The following SLC30A7 variants were observed in gnomAD, a reference collection of about 807,000 sequenced individuals.
SLC30A7 encodes the protein zinc transporter 7.
SLC30A7 carries 35 observed loss-of-function variants against 46.0 expected under a neutral mutation model. The ratio of observed to expected loss-of-function variants is 0.76; its 90% CI spans 0.58 to 1.01. The LOEUF is 1.01. Among genes scored for constraint, SLC30A7 ranks in the 50% least tolerant of loss-of-function variants. The probability of loss-of-function intolerance (pLI) is 0.00; values close to 1 mark genes in which losing one functional copy is unlikely to be tolerated. For missense variants in SLC30A7, 464 were observed against 451.1 expected (o/e 1.03, Z -0.26); for synonymous variants, 147 against 157.8 (o/e 0.93, Z 0.51).
At chr1:100,961,670 C>T (rs1239640661) in intron 8 of SLC30A7, among the ~76,000 whole-genome samples, 158 bp from the exon 9 acceptor site, 4 of 152,150 alleles carry the variant, frequency 2.6e-5, no homozygotes, top group East Asian at 1.9e-4. Context: ...TTACTGATCA[C>T]GTGGAAAATC....
At chr1:100,904,584 G>T (rs1483455380) in intron 2 of SLC30A7, among the ~76,000 whole-genome samples, 1 of 150,012 alleles carries the variant, frequency 6.7e-6, no homozygotes, top group Admixed American at 6.6e-5. Flanking sequence ...ATCAAATATT[G>T]GACATTATGA....
chr1:100,984,781 A>T (rs1657172456), downstream of SLC30A7, among the ~76,000 whole-genome samples: 1 of 152,216 alleles, frequency 6.6e-6, no homozygotes, highest in Non-Finnish European at 1.5e-5. Flanking sequence ...TGCTGCAAAA[A>T]ATTTCAACTT....
At chr1:100,994,871 A>T in the SLC30A7 span, among the ~76,000 whole-genome samples, 6 of 152,152 alleles carry the variant, frequency 3.9e-5, no homozygotes, top group Non-Finnish European at 8.8e-5. Flanking sequence ...TTCATTCCAC[A>T]AACACTGAGT....
At chr1:100,903,292 C>CA (rs895145278) in intron 2 of SLC30A7, among the ~76,000 whole-genome samples, 1 of 151,852 alleles carries the variant, frequency 6.6e-6, no homozygotes, top group African/African-American at 2.4e-5. Flanking sequence ...GGATCGAAAA[C>CA]AAAATCATAG....
At chr1:100,965,964 A>C (rs960174608) in intron 10 of SLC30A7, 46 bp downstream of exon 10, 1 of 1,518,536 alleles carries the variant, frequency 6.6e-7, no homozygotes, top group African/African-American at 1.4e-5. Context: ...AACATTTTTT[A>C]TAACTAGTAG....
At chr1:100,954,735 T>C (rs1655135942) in intron 8 of SLC30A7, among the ~76,000 whole-genome samples, 1 of 152,096 alleles carries the variant, frequency 6.6e-6, no homozygotes. Flanking sequence ...AGATTTTTGG[T>C]TATCTATTCT....
chr1:100,971,967 G>A (rs1359301225), intron 10 of SLC30A7, among the ~76,000 whole-genome samples: 1 of 151,994 alleles, frequency 6.6e-6, no homozygotes, highest in African/African-American at 2.4e-5. Context: ...ATTTTCTTAG[G>A]AGCATGAAAG....
In SLC30A7 at chr1:100,976,745, A is replaced by G. The variant is rs959923790; in HGVS notation, c.*1888A>G. On this transcript the variant is annotated 3_prime_UTR_variant, in exon 11 of 11. Transcript: ENST00000357650. ...TCTTTTCCCCTATTTCTGACCTACA[A>G]CTATAAACTACTCTCTATTAGGAGA... The G allele has an allele frequency of 6.6e-6, 1 of 152,626 alleles. No individual in the cohort carries two copies. The highest frequency in any genetic ancestry group is 1.5e-5 in the Non-Finnish European group (1 of 68,032). The allele number at this position is 152,626 out of a possible 1,614,324, so 9.5% of individuals were successfully genotyped here.
chr1:100,944,390 C>T (rs1005956371), intron 8 of SLC30A7, among the ~76,000 whole-genome samples: 1 of 152,056 alleles, frequency 6.6e-6, no homozygotes, highest in East Asian at 1.9e-4. Context: ...ACATATTTAG[C>T]CCTTCAAAGA....
At chr1:100,956,700 T>TAA (rs1414015373) in intron 8 of SLC30A7, among the ~76,000 whole-genome samples, 6 of 152,358 alleles carry the variant, frequency 3.9e-5, no homozygotes, top group African/African-American at 1.4e-4. Flanking sequence ...ATTGCTTAAG[T>TAA]AATGTTATTT....
At chr1:100,966,448 G>A (rs1193982989) in intron 10 of SLC30A7, among the ~76,000 whole-genome samples, 1 of 151,910 alleles carries the variant, frequency 6.6e-6, no homozygotes, top group Non-Finnish European at 1.5e-5. Flanking sequence ...AGCCGGGTGT[G>A]GTGACAGGCG....
At chr1:100,927,925 C>T (rs1490182201) in intron 8 of SLC30A7, among the ~76,000 whole-genome samples, 2 of 151,970 alleles carry the variant, frequency 1.3e-5, no homozygotes, top group African/African-American at 4.8e-5. Context: ...GGAATTGATC[C>T]AGAAATAGAA....
intron 8 of SLC30A7, among the ~76,000 whole-genome samples, chr1:100,944,318 GT>G (rs1259096288): frequency 1.3e-5 from 2 of 152,166 alleles, no homozygotes; most frequent in Non-Finnish European, 2.9e-5. Flanking sequence ...GGGATTATAG[GT>G]GTGAGACACC....
intron 8 of SLC30A7, among the ~76,000 whole-genome samples, chr1:100,925,264 GGGA>G (rs2101037605): frequency 6.6e-6 from 1 of 152,378 alleles, no homozygotes; most frequent in South Asian, 2.1e-4. Context: ...CTGAAGCATA[GGGA>G]GTAAGAGGAG....
rs1213214520 is a variant in SLC30A7 at position 100,977,747 on chromosome 1, TTTG to T, written c.*2893_*2895del. On this transcript the variant is annotated 3_prime_UTR_variant, in exon 11 of 11. Transcript: ENST00000357650. ...GCTATACTATCTTTGGTTTTGTTTTTTTGTTTTTTTTGTTTGTTTGTATTAGAT... is the reference window on the plus strand; with the variant it reads ...GCTATACTATCTTTGGTTTTGTTTTTTTTTTTTTGTTTGTTTGTATTAGAT... 1.3e-5 allele frequency: 2 copies of T among 152,168 alleles called. No homozygotes were observed. Among genetic ancestry groups the T allele is most frequent in the African/African-American group, 4.8e-5 (2 of 41,432 alleles). The allele number at this position is 152,168 out of a possible 1,614,324, so 9.4% of individuals were successfully genotyped here.
At chr1:100,963,204 C>T (rs891046492) in intron 9 of SLC30A7, among the ~76,000 whole-genome samples, 1 of 152,088 alleles carries the variant, frequency 6.6e-6, no homozygotes, top group African/African-American at 2.4e-5. Flanking sequence ...TTTATTACCT[C>T]CGGAGAAGTT....
intron 8 of SLC30A7, among the ~76,000 whole-genome samples, chr1:100,944,860 C>T (rs776161234): frequency 1.3e-5 from 2 of 152,118 alleles, no homozygotes; most frequent in Non-Finnish European, 2.9e-5. Context: ...CTTGAGGAAT[C>T]GCCACAGTCT....
At chr1:100,991,849 C>A in the SLC30A7 span, among the ~76,000 whole-genome samples, 1 of 150,060 alleles carries the variant, frequency 6.7e-6, no homozygotes, top group Non-Finnish European at 1.5e-5. Flanking sequence ...GTAATCCCAA[C>A]ACTTTGGGAG....
intron 8 of SLC30A7, among the ~76,000 whole-genome samples, chr1:100,933,751 CT>C (rs1454209980): frequency 6.6e-6 from 1 of 152,096 alleles, no homozygotes; most frequent in Non-Finnish European, 1.5e-5. Flanking sequence ...TGAACTCATC[CT>C]TTTTTATGGC....
Sources: allele counts gnomAD v4.1 joint callset (sites outside exome capture counted in the v4.1 genomes callset), GRCh38; gene constraint gnomAD v4.1.1; transcripts MANE v1.5; gene names NCBI Gene and HGNC (gene_info 2026-07-23, HGNC 2026-07-21).